RBFOX1: variants seen among roughly 807,000 people sequenced by gnomAD.
The protein encoded by RBFOX1 is RNA binding protein fox-1 homolog 1.
Under a neutral mutation model 57.7 loss-of-function variants are expected in RBFOX1, and 8 were observed. That is an observed-to-expected ratio of 0.14 (90% CI 0.08 to 0.25). The LOEUF (loss-of-function observed/expected upper bound fraction) is 0.25, where lower values mean the gene tolerates loss of function less well. Ranked by LOEUF, RBFOX1 falls within the 10% of genes least tolerant of loss-of-function variation. The pLI, the probability that RBFOX1 is intolerant of heterozygous loss-of-function variation, is 1.00. For missense variants in RBFOX1, 611 were observed against 548.5 expected (o/e 1.11, Z -1.14); for synonymous variants, 326 against 222.4 (o/e 1.47, Z -4.15).
At chr16:6,312,361 C>T (rs1326909260) in intron 1 of RBFOX1, among the ~76,000 whole-genome samples, 1 of 152,070 alleles carries the variant, frequency 6.6e-6, no homozygotes, top group African/African-American at 2.4e-5. Flanking sequence ...TCTTCTTCTT[C>T]TCTCTCTCAT....
At chr16:7,676,165 A>G (rs765255649) in intron 13 of RBFOX1, among the ~76,000 whole-genome samples, 1 of 152,224 alleles carries the variant, frequency 6.6e-6, no homozygotes, top group Non-Finnish European at 1.5e-5. Context: ...ATACATAACC[A>G]TGTGATATCT....
At chr16:6,655,314 C>A (rs1024155210) in intron 3 of RBFOX1, among the ~76,000 whole-genome samples, 1 of 128,672 alleles carries the variant, frequency 7.8e-6, no homozygotes, top group Admixed American at 9.7e-5. Flanking sequence ...GTGGAGACTG[C>A]AGTGAGCCAA....
chr16:6,399,362 C>G (rs57414511), intron 2 of RBFOX1, among the ~76,000 whole-genome samples: 1 of 151,996 alleles, frequency 6.6e-6, no homozygotes, highest in Admixed American at 6.6e-5. Context: ...ATGCGGATTT[C>G]TTCCACCAGA....
chr16:7,412,054 C>T lies in RBFOX1; in HGVS notation c.28-106093C>T, dbSNP rs114480498. Among the ~76,000 whole-genome samples, 910 of 152,104 alleles carry T rather than the reference C, an allele frequency of 6.0e-3. 11 individuals are homozygous for T. The highest frequency in any genetic ancestry group is 0.021 in the African/African-American group (873 of 41,480). ...GACATTAGATGAAAACTAAAGCAAT[C>T]GAAGTATAGGCTGTAGTTAATCGTG... is the stretch of plus-strand genomic sequence containing the variant. On this transcript the variant is annotated intron_variant, in intron 4 of 15. Coordinates refer to ENST00000550418, the MANE Select transcript of RBFOX1 (RefSeq NM_018723.4).
intron 3 of RBFOX1, among the ~76,000 whole-genome samples, chr16:6,715,887 G>A (rs1232124532): frequency 6.6e-6 from 1 of 152,098 alleles, no homozygotes; most frequent in South Asian, 2.1e-4. Flanking sequence ...TGGGGTCAAG[G>A]CTCAGCCTGC....
At chr16:5,390,895 C>G (rs997349397) in intron 1 of RBFOX1, among the ~76,000 whole-genome samples, 1 of 152,190 alleles carries the variant, frequency 6.6e-6, no homozygotes, top group African/African-American at 2.4e-5. Flanking sequence ...CCAGAGGAAG[C>G]AGAGCATAGG....
At chr16:7,404,458 G>A (rs1199654801) in intron 4 of RBFOX1, among the ~76,000 whole-genome samples, 2 of 152,178 alleles carry the variant, frequency 1.3e-5, no homozygotes, top group Non-Finnish European at 2.9e-5. Flanking sequence ...GAATGATGAC[G>A]GCTCCTGTTA....
At chr16:5,525,436 A>G (rs941858389) in intron 2 of RBFOX1, among the ~76,000 whole-genome samples, 1 of 150,212 alleles carries the variant, frequency 6.7e-6, no homozygotes, top group Non-Finnish European at 1.5e-5. Context: ...AAGGTCACAC[A>G]GGGTGGGCAG....
chr16:6,140,050 C>G (rs2096703378), intron 1 of RBFOX1, among the ~76,000 whole-genome samples: 1 of 152,166 alleles, frequency 6.6e-6, no homozygotes, highest in African/African-American at 2.4e-5. Context: ...CCCACGTTTT[C>G]CCTTTGATTT....
intron 1 of RBFOX1, among the ~76,000 whole-genome samples, chr16:5,315,931 A>G (rs1336265946): frequency 6.6e-6 from 1 of 152,138 alleles, no homozygotes; most frequent in Non-Finnish European, 1.5e-5. Context: ...GTCACCTGGT[A>G]GCGCATAAGA....
At chr16:6,983,146 G>C (rs1181142581) in intron 3 of RBFOX1, among the ~76,000 whole-genome samples, 1 of 151,992 alleles carries the variant, frequency 6.6e-6, no homozygotes. Context: ...TCCATTGACA[G>C]CTTCCTAGCA....
chr16:7,467,528 T>A (rs1398719814), intron 4 of RBFOX1, among the ~76,000 whole-genome samples: 2 of 152,182 alleles, frequency 1.3e-5, no homozygotes, highest in Non-Finnish European at 2.9e-5. Context: ...GGTGAGAACA[T>A]GGATTTTGGA....
chr16:6,833,039 C>G (rs182969609), intron 3 of RBFOX1, among the ~76,000 whole-genome samples: 5 of 152,140 alleles, frequency 3.3e-5, no homozygotes, highest in African/African-American at 1.2e-4. Context: ...CCTCTTTTCT[C>G]TTATTCAAAT....
rs547957631 is a variant in RBFOX1 at position 7,711,959 on chromosome 16, C to G, written c.*1214C>G. ...CCCTTCCACCTCTTTCCCATACCCC[C>G]AAGGATTATCTCAAAATGATCTCTT... is the stretch of plus-strand genomic sequence containing the variant. On this transcript the variant is annotated 3_prime_UTR_variant, in exon 16 of 16. Transcript: ENST00000550418. The G allele has an allele frequency of 2.0e-5, 3 of 152,528 alleles. No individual in the cohort carries two copies. Among genetic ancestry groups the G allele is most frequent in the Non-Finnish European group, 4.4e-5 (3 of 68,034 alleles). The allele number at this position is 152,528 out of a possible 1,614,324, so 9.4% of individuals were successfully genotyped here.
intron 3 of RBFOX1, among the ~76,000 whole-genome samples, chr16:5,828,164 C>G (rs955241560): frequency 6.6e-6 from 1 of 152,020 alleles, no homozygotes; most frequent in African/African-American, 2.4e-5. Context: ...CTATCCATCC[C>G]TGCATCCAAT....
chr16:6,116,737 T>C (rs1359645811), intron 1 of RBFOX1, among the ~76,000 whole-genome samples: 1 of 152,164 alleles, frequency 6.6e-6, no homozygotes, highest in African/African-American at 2.4e-5. Context: ...CAAGTACACA[T>C]ACCTCAGCTG....
At chr16:5,261,122 G>T (rs2062721259) in intron 1 of RBFOX1, 1 of 152,198 alleles carries the variant, frequency 6.6e-6, no homozygotes, top group Admixed American at 6.5e-5. Context: ...TTCAATTTTA[G>T]ACCTGATTAA....
chr16:6,528,147 G>T (rs1160511556), intron 2 of RBFOX1, among the ~76,000 whole-genome samples: 1 of 151,990 alleles, frequency 6.6e-6, no homozygotes, highest in Non-Finnish European at 1.5e-5. Flanking sequence ...CCTAAACCTT[G>T]ATTCTGTTAT....
At position 7,710,798 on chromosome 16, in the gene RBFOX1, G is replaced by T; in HGVS notation, c.*53G>T. ...GTGGGGAGAAAGGAAGCTTTCCGAG[G>T]CCTGAGTATTGCAATACATGCAGTA... On this transcript the variant is annotated 3_prime_UTR_variant, in exon 16 of 16. Coordinates refer to ENST00000550418, the MANE Select transcript of RBFOX1 (RefSeq NM_018723.4). 2 of 1,442,082 alleles carry T rather than the reference G, an allele frequency of 1.4e-6. No individual in the cohort carries two copies. Among genetic ancestry groups the T allele is most frequent in the Non-Finnish European group, 9.3e-7 (1 of 1,078,340 alleles). 89.3% of individuals were successfully genotyped at this position (1,442,082 alleles called of 1,614,324 possible). A position where few individuals can be genotyped will look rare whatever the true frequency, so the allele number is the denominator to read the frequency against.
Sources: allele counts gnomAD v4.1 joint callset (sites outside exome capture counted in the v4.1 genomes callset), GRCh38; gene constraint gnomAD v4.1.1; transcripts MANE v1.5; gene names NCBI Gene and HGNC (gene_info 2026-07-23, HGNC 2026-07-21).